Variants in CTNND2 observed in about 807,000 individuals in gnomAD.
CTNND2 encodes the protein catenin delta 2, also known as catenin delta-2.
A neutral mutation model predicts 144.4 loss-of-function variants in CTNND2; 22 were observed. The ratio of observed to expected loss-of-function variants is 0.15; its 90% CI spans 0.11 to 0.22. The LOEUF is 0.22. CTNND2 is among the 10% of genes least tolerant of loss of function. The pLI, the probability that CTNND2 is intolerant of heterozygous loss-of-function variation, is 1.00. For missense variants in CTNND2, 1,353 were observed against 1,618.8 expected, an observed-to-expected ratio of 0.84 and a Z score of 2.82; for synonymous variants, 751 against 695.6, an observed-to-expected ratio of 1.08 and a Z score of -1.25.
intron 9 of CTNND2, among the ~76,000 whole-genome samples, chr5:11,244,455 T>C (rs927203078): frequency 6.6e-6 from 1 of 152,094 alleles, no homozygotes; most frequent in African/African-American, 2.4e-5. Flanking sequence ...TGGCTAATTT[T>C]TGTATTTTTA....
chr5:11,152,463 C>G (rs781675782), intron 12 of CTNND2, among the ~76,000 whole-genome samples: 11 of 152,182 alleles, frequency 7.2e-5, no homozygotes, highest in Non-Finnish European at 1.6e-4. Flanking sequence ...GCTATAACGT[C>G]TAGGTTTGTG....
intron 14 of CTNND2, among the ~76,000 whole-genome samples, chr5:11,106,588 G>C (rs1379501880): frequency 7.2e-5 from 11 of 152,208 alleles, no homozygotes; most frequent in Admixed American, 2.6e-4. Flanking sequence ...TACAGGTAAT[G>C]AAATGAATAC....
chr5:11,763,194 C>A (rs1342094882), intron 1 of CTNND2, among the ~76,000 whole-genome samples: 1 of 152,162 alleles, frequency 6.6e-6, no homozygotes, highest in African/African-American at 2.4e-5. Context: ...GCCTCTCCAG[C>A]CATGATTCCT....
Position 11,710,324 on chromosome 5 carries a change from C to T in CTNND2, c.174+21812G>A, listed in dbSNP as rs542903355. Among the ~76,000 whole-genome samples the T allele has an allele frequency of 3.0e-3, 463 of 152,124 alleles. 5 individuals carry two copies. Among genetic ancestry groups the T allele is most frequent in the African/African-American group, 0.011 (442 of 41,514 alleles). On this transcript the variant is annotated intron_variant, in intron 2 of 21. Transcript: ENST00000304623. ...TTGGGAGGCTGAGGTGGGTGGATCA[C>T]GAGGTCAAGGGATCGAGATCATCCT...
intron 1 of CTNND2, among the ~76,000 whole-genome samples, chr5:11,872,598 T>C (rs555971463): frequency 3.5e-4 from 53 of 152,342 alleles, no homozygotes; most frequent in African/African-American, 1.2e-3. Flanking sequence ...AGATGGTATG[T>C]CATTATGGTT....
chr5:11,123,784 C>T (rs1241060939), intron 12 of CTNND2, among the ~76,000 whole-genome samples: 1 of 152,188 alleles, frequency 6.6e-6, no homozygotes, highest in African/African-American at 2.4e-5. Flanking sequence ...CCTTAGCCCA[C>T]GGTAGGAAAT....
At chr5:11,786,411 G>C (rs1790833025) in intron 1 of CTNND2, among the ~76,000 whole-genome samples, 1 of 152,160 alleles carries the variant, frequency 6.6e-6, no homozygotes, top group African/African-American at 2.4e-5. Context: ...CATTGAGGTG[G>C]TTATAAATAA....
intron 1 of CTNND2, among the ~76,000 whole-genome samples, chr5:11,777,880 G>T (rs1304656228): frequency 6.6e-6 from 1 of 152,058 alleles, no homozygotes. Flanking sequence ...ATGTTTTTGA[G>T]AACTACTGGT....
At chr5:11,723,340 C>T (rs987893589) in intron 2 of CTNND2, among the ~76,000 whole-genome samples, 2 of 151,978 alleles carry the variant, frequency 1.3e-5, no homozygotes, top group Non-Finnish European at 2.9e-5. Context: ...TCTCATTCCA[C>T]CTGATTAAAT....
intron 12 of CTNND2, among the ~76,000 whole-genome samples, chr5:11,156,926 A>G (rs1178574372): frequency 6.6e-6 from 1 of 152,216 alleles, no homozygotes; most frequent in African/African-American, 2.4e-5. Flanking sequence ...GAACCAACAG[A>G]GAGGAAAGTG....
intron 3 of CTNND2, among the ~76,000 whole-genome samples, chr5:11,556,699 G>A (rs188213464): frequency 1.3e-3 from 194 of 152,172 alleles, no homozygotes; most frequent in African/African-American, 4.6e-3. Context: ...TTTATAACAC[G>A]TATTCCTTTT....
chr5:11,839,415 A>G (rs1402790767), intron 1 of CTNND2, among the ~76,000 whole-genome samples: 2 of 152,076 alleles, frequency 1.3e-5, no homozygotes, highest in African/African-American at 4.8e-5. Flanking sequence ...AAACTACCCC[A>G]GATTTAGTGG....
intron 8 of CTNND2, among the ~76,000 whole-genome samples, chr5:11,348,764 G>C (rs541949000): frequency 1.3e-5 from 2 of 151,992 alleles, no homozygotes; most frequent in South Asian, 4.2e-4. Flanking sequence ...TAACAAGAAA[G>C]AGTTTAAGAA....
chr5:11,807,936 T>A (rs1792097716), intron 1 of CTNND2, among the ~76,000 whole-genome samples: 1 of 152,208 alleles, frequency 6.6e-6, no homozygotes, highest in Non-Finnish European at 1.5e-5. Context: ...CTCACCCTCA[T>A]ATTGTACTCT....
chr5:11,460,547 T>C (rs1766109638), intron 3 of CTNND2, among the ~76,000 whole-genome samples: 1 of 152,192 alleles, frequency 6.6e-6, no homozygotes, highest in Non-Finnish European at 1.5e-5. Context: ...AGTGATGCTC[T>C]ACCCCCATTG....
chr5:11,068,295 T>G (rs1330352369), intron 16 of CTNND2, among the ~76,000 whole-genome samples: 1 of 152,198 alleles, frequency 6.6e-6, no homozygotes, highest in Non-Finnish European at 1.5e-5. Context: ...CATATCTAGG[T>G]GGCTCTGGGT....
At chr5:11,754,803 A>AT in intron 1 of CTNND2, among the ~76,000 whole-genome samples, 1 of 151,200 alleles carries the variant, frequency 6.6e-6, no homozygotes, top group Non-Finnish European at 1.5e-5. Flanking sequence ...TATATAGTGG[A>AT]TTTTTTTCCA....
chr5:11,658,762 C>CTA (rs1338733404), intron 2 of CTNND2, among the ~76,000 whole-genome samples: 1 of 152,102 alleles, frequency 6.6e-6, no homozygotes, highest in Admixed American at 6.6e-5. Flanking sequence ...TTACACTGCG[C>CTA]TATATGAATA....
Position 11,011,867 on chromosome 5 carries a change from T to G in CTNND2, c.3084+6107A>C, listed in dbSNP as rs116615933. Among the ~76,000 whole-genome samples the G allele has an allele frequency of 2.3e-3, 349 of 152,200 alleles. 1 individual carries two copies. The highest frequency in any genetic ancestry group is 8.1e-3 in the African/African-American group (336 of 41,520). ...TAGGAATATCGCTAGCAGGCAGAGC[T>G]GCATGGGAGAAAGGAGAAAGACCGT... On this transcript the variant is annotated intron_variant, in intron 18 of 21. Coordinates refer to ENST00000304623, the MANE Select transcript of CTNND2 (RefSeq NM_001332.4).
Sources: allele counts gnomAD v4.1 joint callset (sites outside exome capture counted in the v4.1 genomes callset), GRCh38; gene constraint gnomAD v4.1.1; transcripts MANE v1.5; gene names NCBI Gene and HGNC (gene_info 2026-07-23, HGNC 2026-07-21).